TECR: variants seen among roughly 807,000 people sequenced by gnomAD.
TECR encodes the protein trans-2,3-enoyl-CoA reductase, also known as very-long-chain enoyl-CoA reductase.
In TECR, 19 loss-of-function variants were observed where a neutral mutation model predicts 50.6. The ratio of observed to expected loss-of-function variants is 0.38; its 90% confidence interval spans 0.26 to 0.55. The LOEUF is 0.55. Among genes scored for constraint, TECR ranks in the 20% least tolerant of loss-of-function variants. The probability of loss-of-function intolerance (pLI) is 0.79; values close to 1 mark genes in which losing one functional copy is unlikely to be tolerated. For synonymous variants in TECR, 168 were observed against 163.5 expected (o/e 1.03, Z -0.21); for missense variants, 313 against 408.3 (o/e 0.77, Z 2.01).
At chr19:14,548,646 C>T (rs544218906) in intron 1 of TECR, among the ~76,000 whole-genome samples, 177 of 152,146 alleles carry the variant, frequency 1.2e-3, no homozygotes, top group African/African-American at 3.7e-3. Flanking sequence ...GGTGCGATCT[C>T]GACTCACTGC....
intron 1 of TECR, among the ~76,000 whole-genome samples, chr19:14,548,512 T>G (rs2073379595): frequency 6.6e-6 from 1 of 152,198 alleles, no homozygotes; most frequent in Non-Finnish European, 1.5e-5. Flanking sequence ...GTTGGCAAAC[T>G]TAATCCAGCT....
At chr19:14,555,695 C>A (rs554076772) in intron 1 of TECR, among the ~76,000 whole-genome samples, 2 of 152,230 alleles carry the variant, frequency 1.3e-5, no homozygotes, top group East Asian at 3.9e-4. Flanking sequence ...CCCACCTCAG[C>A]CTCCCAAAGT....
At chr19:14,528,125 C>G (rs1293067240), upstream of TECR, among the ~76,000 whole-genome samples, 1 of 152,080 alleles carries the variant, frequency 6.6e-6, no homozygotes, top group Non-Finnish European at 1.5e-5. Flanking sequence ...CTCATGTGAT[C>G]TGCCTGTCTT....
In TECR at chr19:14,539,188, G is replaced by C. The variant is rs2073013099; in HGVS notation, c.15+9477G>C. Among the ~76,000 whole-genome samples, 5 of 109,948 alleles carry C rather than the reference G, an allele frequency of 4.5e-5. No individual in the cohort carries two copies. The Admixed American group carries it at 6.2e-4, about 14-fold the overall frequency. 72.1% of individuals were successfully genotyped at this position (109,948 alleles called of 152,430 possible). On this transcript the variant is annotated intron_variant, in intron 1 of 12. Coordinates refer to ENST00000215567, the MANE Select transcript of TECR (RefSeq NM_138501.6). ...TTTTTGTATTTTTAGTAGAGACGAA[G>C]TTTTACCGTGTTAGCCAGGATGGTC...
intron 1 of TECR, among the ~76,000 whole-genome samples, chr19:14,544,598 C>T (rs904356520): frequency 6.7e-6 from 1 of 149,660 alleles, no homozygotes; most frequent in Admixed American, 6.7e-5. Flanking sequence ...TTCCATGAAC[C>T]GGGCTCATCT....
intron 1 of TECR, among the ~76,000 whole-genome samples, chr19:14,552,178 T>C (rs1420154384): frequency 4.0e-5 from 6 of 149,766 alleles, no homozygotes; most frequent in East Asian, 1.9e-4. Context: ...TTTTCTTTTT[T>C]TTTTTTTTTG....
At chr19:14,536,235 C>T (rs890759046) in intron 1 of TECR, among the ~76,000 whole-genome samples, 3 of 151,564 alleles carry the variant, frequency 2.0e-5, no homozygotes, top group Admixed American at 2.0e-4. Context: ...AGGTTTGGAG[C>T]CCACGGGCAA....
At chr19:14,564,416 C>G in intron 7 of TECR, 129 bp downstream of exon 7, 2 of 788,326 alleles carry the variant, frequency 2.5e-6, no homozygotes, top group African/African-American at 3.6e-5. Context: ...ACCCCTAGGC[C>G]CCGCCTAACC....
At chr19:14,542,011 G>T (rs1018498258) in intron 1 of TECR, among the ~76,000 whole-genome samples, 1 of 152,136 alleles carries the variant, frequency 6.6e-6, no homozygotes, top group Non-Finnish European at 1.5e-5. Context: ...TCGAACTCCT[G>T]ACCTCAAGTG....
intron 1 of TECR, 85 bp downstream of exon 1, chr19:14,529,796 G>T (rs2072548195): frequency 6.3e-7 from 1 of 1,594,016 alleles, no homozygotes; most frequent in African/African-American, 1.3e-5. Flanking sequence ...CCCACTTTCT[G>T]GTCCTGTGCC....
intron 1 of TECR, among the ~76,000 whole-genome samples, chr19:14,547,436 C>T (rs1022051113): frequency 4.6e-5 from 7 of 152,144 alleles, no homozygotes; most frequent in South Asian, 2.1e-4. Flanking sequence ...ACTCTGCTCA[C>T]TGCAACCTCT....
intron 1 of TECR, among the ~76,000 whole-genome samples, chr19:14,558,980 G>GGC (rs2073826583): frequency 6.6e-6 from 1 of 152,156 alleles, no homozygotes; most frequent in South Asian, 2.1e-4. Context: ...GGCCTGGGCA[G>GGC]GCGTGTGTGT....
At chr19:14,557,661 A>G (rs1008533507) in intron 1 of TECR, among the ~76,000 whole-genome samples, 2 of 151,450 alleles carry the variant, frequency 1.3e-5, no homozygotes, top group Admixed American at 6.6e-5. Flanking sequence ...CATGTTGTCC[A>G]GGCTGGTCTT....
intron 1 of TECR, among the ~76,000 whole-genome samples, chr19:14,561,074 C>T (rs538260041): frequency 1.9e-4 from 29 of 152,236 alleles, no homozygotes; most frequent in African/African-American, 6.0e-4. Flanking sequence ...CCTTGTCTCC[C>T]GCTGTCGTTG....
chr19:14,562,111 C>A (rs921815733), intron 1 of TECR: 2 of 507,162 alleles, frequency 3.9e-6, no homozygotes, highest in African/African-American at 3.8e-5. Context: ...CCCAAGCCCC[C>A]CTCAGAGAAG....
chr19:14,563,097 T>G lies in TECR; in HGVS notation c.67-109T>G. 7.6e-6 allele frequency: 10 copies of G among 1,307,626 alleles called. No homozygotes were observed. The highest frequency in any genetic ancestry group is 1.5e-5 in the African/African-American group (1 of 68,378). 81.0% of individuals were successfully genotyped at this position (1,307,626 alleles called of 1,614,324 possible). ...AGGCCTGGACCCCAGCCCTTCCCCCTTCCCATAGCTACAGCCCAACCCCCA... is the reference window on the plus strand; with the variant it reads ...AGGCCTGGACCCCAGCCCTTCCCCCGTCCCATAGCTACAGCCCAACCCCCA... On this transcript the variant is annotated intron_variant, in intron 2 of 12. Coordinates refer to ENST00000215567, the MANE Select transcript of TECR (RefSeq NM_138501.6). The surrounding 1 kb of genome is among the most constrained non-coding windows in gnomAD (Gnocchi z 5.3).
intron 1 of TECR, among the ~76,000 whole-genome samples, chr19:14,550,161 C>T (rs2073447702): frequency 1.3e-5 from 2 of 152,066 alleles, no homozygotes; most frequent in Non-Finnish European, 2.9e-5. Context: ...CAGTCCTTAA[C>T]AGGGCCTGGC....
intron 1 of TECR, among the ~76,000 whole-genome samples, chr19:14,558,674 C>T (rs2073816374): frequency 6.6e-6 from 1 of 152,216 alleles, no homozygotes. Flanking sequence ...GGTCTCACCC[C>T]TTGCCCGTGG....
intron 1 of TECR, among the ~76,000 whole-genome samples, chr19:14,533,443 AT>A (rs1262128735): frequency 6.6e-6 from 1 of 151,910 alleles, no homozygotes; most frequent in Non-Finnish European, 1.5e-5. Flanking sequence ...AAAAAAATCT[AT>A]TTCTGCTTGG....
Sources: allele counts gnomAD v4.1 joint callset (sites outside exome capture counted in the v4.1 genomes callset), GRCh38; gene constraint gnomAD v4.1.1; non-coding constraint Gnocchi (gnomAD v3.1); transcripts MANE v1.5; gene names NCBI Gene and HGNC (gene_info 2026-07-23, HGNC 2026-07-21).